The following YY1 variants were observed in gnomAD, a reference collection of about 807,000 sequenced individuals.
YY1 encodes the protein transcriptional repressor protein YY1.
Under a neutral mutation model 35.6 loss-of-function variants are expected in YY1, and 2 were observed. That is an observed-to-expected ratio of 0.06 (90% confidence interval 0.02 to 0.18). The LOEUF is 0.18. YY1 is among the 10% of genes least tolerant of loss of function. The probability of loss-of-function intolerance (pLI) is 1.00; values close to 1 mark genes in which losing one functional copy is unlikely to be tolerated. For missense variants in YY1, 322 were observed against 573.4 expected (o/e 0.56, Z 4.48); for synonymous variants, 268 against 238.9 (o/e 1.12, Z -1.12).
intron 1 of YY1, among the ~76,000 whole-genome samples, chr14:100,243,082 T>C (rs1890775781): frequency 6.6e-6 from 1 of 152,234 alleles, no homozygotes; most frequent in Non-Finnish European, 1.5e-5. Context: ...TTTGGAATTA[T>C]TACTAAAGAG....
chr14:100,277,474 T>C lies in YY1; in HGVS notation c.1119T>C (p.His373=), dbSNP rs2139605780. The C allele has an allele frequency of 1.2e-6, 2 of 1,614,250 alleles. No individual in the cohort carries two copies. Among genetic ancestry groups the C allele is most frequent in the Non-Finnish European group, 1.7e-6 (2 of 1,180,044 alleles). The change falls in exon 5 of 5, where the codon CAT becomes CAC. Residue 373 remains histidine, a synonymous_variant. Transcript: ENST00000262238. The surrounding 1 kb of genome is among the most constrained non-coding windows in gnomAD (Gnocchi z 5.6). ...RFSLDFNLRT[H]VRIHTGDRPY... ...CACTGGACTTCAATTTGCGCACACA[T>C]GTGCGAATCCATACCGGAGACAGGC...
intron 1 of YY1, among the ~76,000 whole-genome samples, chr14:100,241,456 G>A (rs113360604): frequency 1.1e-4 from 16 of 152,314 alleles, no homozygotes; most frequent in Admixed American, 2.0e-4. Flanking sequence ...GTGATTGAAA[G>A]AGGCCTGAGC....
rs765570288 is a variant in YY1 at position 100,277,357 on chromosome 14, C to T, written c.1063-61C>T. 20 of 1,597,712 alleles carry T rather than the reference C, an allele frequency of 1.3e-5. No homozygotes were observed. The highest frequency in any genetic ancestry group is 1.7e-5 in the Non-Finnish European group (20 of 1,165,462). On this transcript the variant is annotated intron_variant, in intron 4 of 4. Transcript: ENST00000262238. The surrounding 1 kb of genome is among the most constrained non-coding windows in gnomAD (Gnocchi z 5.6). Reference sequence around the variant, plus strand: ...TGTTCTCTAGCAAAGCAGTGAGCTCCTGACTCCCAGGGTCTGGTCAGAGTT... The same window carrying T: ...TGTTCTCTAGCAAAGCAGTGAGCTCTTGACTCCCAGGGTCTGGTCAGAGTT...
At chr14:100,241,979 G>GGC (rs1491224684) in intron 1 of YY1, among the ~76,000 whole-genome samples, 2 of 2,022 alleles carry the variant, frequency 9.9e-4, no homozygotes, top group South Asian at 0.015. Context: ...TGTCTCAAAA[G>GGC]GGGGGGGGGG....
Position 100,239,385 on chromosome 14 carries a change from G to T in YY1, c.141G>T (p.Glu47Asp). 6.3e-7 allele frequency: 1 copy of T among 1,595,082 alleles called. No individual in the cohort carries two copies. The highest frequency in any genetic ancestry group is 8.5e-7 in the Non-Finnish European group (1 of 1,171,864). Residue 47 changes from glutamate (E) to aspartate (D), a missense_variant, in exon 1 of 5, where the codon GAG (glutamate) becomes GAT (aspartate). Physicochemically the swap from Glu to Asp is conservative, Grantham distance 45. Transcript: ENST00000262238. ...CAGTGGTGGGCGAGGAGGAGGAGGAGGACGACGACGACGAGGACGGCGGCG... is the reference window on the plus strand; with the variant it reads ...CAGTGGTGGGCGAGGAGGAGGAGGATGACGACGACGACGAGGACGGCGGCG... ...ETTVVGEEEE[E>D]DDDDEDGGGG... is the part of the protein sequence containing the mutation.
chr14:100,276,362 T>G lies in YY1; in HGVS notation c.904-128T>G. On this transcript the variant is annotated intron_variant, in intron 3 of 4. Transcript: ENST00000262238. This position sits in a 1 kb window ranked among gnomAD's most constrained non-coding sequence, Gnocchi z 4.1. ...TGATATTAATGTTCTACCGTAATACTAAGTAAAATTAAAATGGGGGGTTGG... is the reference window on the plus strand; with the variant it reads ...TGATATTAATGTTCTACCGTAATACGAAGTAAAATTAAAATGGGGGGTTGG... 5.6e-6 allele frequency: 7 copies of G among 1,260,596 alleles called. No homozygotes were observed. Among genetic ancestry groups the G allele is most frequent in the Non-Finnish European group, 6.8e-6 (6 of 882,344 alleles). The allele number at this position is 1,260,596 out of a possible 1,614,324, so 78.1% of individuals were successfully genotyped here.
At chr14:100,259,797 T>G (rs915376142) in intron 1 of YY1, among the ~76,000 whole-genome samples, 4 of 152,138 alleles carry the variant, frequency 2.6e-5, no homozygotes, top group Non-Finnish European at 4.4e-5. Context: ...ATAGAAGGCA[T>G]GTGCAAAGGA....
intron 2 of YY1, among the ~76,000 whole-genome samples, chr14:100,270,845 G>A (rs1891227247): frequency 1.3e-5 from 2 of 152,060 alleles, no homozygotes; most frequent in South Asian, 4.1e-4. Context: ...AGAATAGTCT[G>A]GGCAACATGG....
chr14:100,261,645 C>A (rs1166093473), intron 1 of YY1, among the ~76,000 whole-genome samples: 1 of 152,050 alleles, frequency 6.6e-6, no homozygotes, highest in Non-Finnish European at 1.5e-5. Context: ...AAATTTTAGT[C>A]AATGGAAATT....
At position 100,239,656 on chromosome 14, in the gene YY1, C is replaced by G. The variant is rs1890694731; in HGVS notation, c.412C>G (p.Pro138Ala). ...TCAGATTCTCATCCCGGTGCCCGCG[C>G]CGGCCGGCGGCGACGACGACTACAT... ...EDQILIPVPAPAGGDDDYIEQ... is the reference protein window; with the variant it reads ...EDQILIPVPAAAGGDDDYIEQ... Residue 138 changes from proline to alanine, a missense_variant, in exon 1 of 5, where the codon CCG becomes GCG. Coordinates refer to ENST00000262238, the MANE Select transcript of YY1 (RefSeq NM_003403.5). 2 of 1,610,040 alleles carry G rather than the reference C, an allele frequency of 1.2e-6. No homozygotes were observed. The highest frequency in any genetic ancestry group is 1.7e-6 in the Non-Finnish European group (2 of 1,179,546).
chr14:100,262,202 T>G, intron 1 of YY1, 102 bp from the exon 2 acceptor site: 1 of 1,258,546 alleles, frequency 7.9e-7, no homozygotes. Context: ...ATTGAGCTGG[T>G]GGCTATAAAT....
At chr14:100,274,131 A>G (rs1891286637) in intron 2 of YY1, among the ~76,000 whole-genome samples, 1 of 152,212 alleles carries the variant, frequency 6.6e-6, no homozygotes. Flanking sequence ...TTTAATATCT[A>G]TAAATCTTGA....
rs78485580 is a variant in YY1 at position 100,247,383 on chromosome 14, CT to C, written c.679+7475del. Among the ~76,000 whole-genome samples the C allele has an allele frequency of 5.9e-3, 804 of 135,228 alleles. 2 individuals carry two copies. The highest frequency in any genetic ancestry group is 0.015 in the African/African-American group (547 of 37,214). The allele number at this position is 135,228 out of a possible 152,430, so 88.7% of individuals were successfully genotyped here. On this transcript the variant is annotated intron_variant, in intron 1 of 4. Transcript: ENST00000262238. ...AGCAAAAATGAATTTTTCTTTTTTTCTTTTTTTTTTTTTTTCGAGACAGGGT... is the reference window on the plus strand; with the variant it reads ...AGCAAAAATGAATTTTTCTTTTTTTCTTTTTTTTTTTTTTCGAGACAGGGT...
At chr14:100,272,115 T>A (rs984929852) in intron 2 of YY1, among the ~76,000 whole-genome samples, 1 of 151,806 alleles carries the variant, frequency 6.6e-6, no homozygotes, top group Non-Finnish European at 1.5e-5. Flanking sequence ...GCTAACATGG[T>A]GAAACCCCAT....
intron 1 of YY1, among the ~76,000 whole-genome samples, chr14:100,249,756 TTTTGTTTG>T (rs1214675137): frequency 4.8e-4 from 43 of 89,394 alleles, no homozygotes; most frequent in African/African-American, 1.3e-3. Flanking sequence ...CCGTTTTTTT[TTTTGTTTG>T]TTTTTGTTTT....
intron 1 of YY1, among the ~76,000 whole-genome samples, chr14:100,243,688 C>T (rs1285386058): frequency 1.3e-5 from 2 of 151,932 alleles, no homozygotes; most frequent in Non-Finnish European, 2.9e-5. Flanking sequence ...CCTGTAGTCA[C>T]TCTCAGCTAC....
At chr14:100,266,410 AAG>A (rs1891155775) in intron 2 of YY1, among the ~76,000 whole-genome samples, 2 of 152,130 alleles carry the variant, frequency 1.3e-5, no homozygotes, top group South Asian at 4.1e-4. Flanking sequence ...AAAGGTTTTG[AAG>A]AGAGAGGGAA....
chr14:100,262,166 A>C, intron 1 of YY1, 138 bp from the exon 2 acceptor site: 1 of 925,214 alleles, frequency 1.1e-6, no homozygotes, highest in Non-Finnish European at 1.6e-6. Context: ...GTTCTCCAAA[A>C]AAAAAAAAGG....
In YY1 at chr14:100,239,383, G is replaced by A; in HGVS notation, c.139G>A (p.Glu47Lys). 5 of 1,600,918 alleles carry A rather than the reference G, an allele frequency of 3.1e-6. No homozygotes were observed. Among genetic ancestry groups the A allele is most frequent in the Non-Finnish European group, 3.4e-6 (4 of 1,174,446 alleles). ...CACAGTGGTGGGCGAGGAGGAGGAG[G>A]AGGACGACGACGACGAGGACGGCGG... ...ETTVVGEEEE[E>K]DDDDEDGGGG... Residue 47 changes from glutamate (E) to lysine (K), a missense_variant, in exon 1 of 5, where the codon GAG becomes AAG. This residue lies in a region of YY1 where 137 missense variants were observed against 167.0 expected (regional missense o/e 0.82). Transcript: ENST00000262238.
Sources: gnomAD v4.1 joint callset for allele counts (sites outside exome capture counted in the v4.1 genomes callset) on GRCh38, gnomAD v4.1.1 for gene constraint, gnomAD v4.1.1 regional missense constraint, Gnocchi (gnomAD v3.1) non-coding constraint, MANE v1.5 for transcripts, NCBI Gene and HGNC (gene_info 2026-07-23, HGNC 2026-07-21) for gene names.